KCNK9: variants seen among roughly 807,000 people sequenced by gnomAD.
The protein encoded by KCNK9 is potassium channel subfamily K member 9.
In KCNK9, 1 loss-of-function variant was observed where a neutral mutation model predicts 10.8. The ratio of observed to expected loss-of-function variants is 0.09; its 90% CI spans 0.03 to 0.44. The LOEUF is 0.44. KCNK9 is among the 20% of genes least tolerant of loss of function. The pLI, the probability that KCNK9 is intolerant of heterozygous loss-of-function variation, is 0.97. For missense variants in KCNK9, 303 were observed against 515.0 expected (o/e 0.59, Z 3.98); for synonymous variants, 231 against 222.7 (o/e 1.04, Z -0.33).
At chr8:139,625,872 C>T (rs1171821381) in intron 1 of KCNK9, among the ~76,000 whole-genome samples, 6 of 152,270 alleles carry the variant, frequency 3.9e-5, no homozygotes, top group African/African-American at 1.4e-4. Context: ...TTCAAGACAC[C>T]TGCCACTCCC....
At chr8:139,621,065 T>C (rs1814761415) in intron 1 of KCNK9, among the ~76,000 whole-genome samples, 1 of 152,112 alleles carries the variant, frequency 6.6e-6, no homozygotes, top group Non-Finnish European at 1.5e-5. Flanking sequence ...GATGGATCAC[T>C]TGAGGCCAGG....
rs1386933804 is a variant in KCNK9, at chr8:139,702,667, T to A, written c.283+43A>T. The A allele has an allele frequency of 3.2e-6, 5 of 1,563,048 alleles. No individual in the cohort carries two copies. In the African/African-American group the frequency reaches 6.8e-5, roughly 21 times the overall value. On this transcript the variant is annotated intron_variant, in intron 1 of 1. Coordinates refer to ENST00000520439, the MANE Select transcript of KCNK9 (RefSeq NM_001282534.2). The surrounding 1 kb of genome is among the most constrained non-coding windows in gnomAD (Gnocchi z 7.5). ...GGCGCGCTCAGCCGCCTCCCCGGAC[T>A]CCTCCCGGGGCGCGGGAGCCCAGCG... is the stretch of plus-strand genomic sequence containing the variant.
At chr8:139,673,862 T>G (rs1012236122) in intron 1 of KCNK9, among the ~76,000 whole-genome samples, 3 of 151,892 alleles carry the variant, frequency 2.0e-5, no homozygotes, top group African/African-American at 7.2e-5. Flanking sequence ...GCATCCCACC[T>G]GCTCCCTGGC....
At chr8:139,661,981 G>C (rs1256664746) in intron 1 of KCNK9, among the ~76,000 whole-genome samples, 1 of 152,196 alleles carries the variant, frequency 6.6e-6, no homozygotes, top group Admixed American at 6.5e-5. Flanking sequence ...GTGGTGGCTT[G>C]GGGACCAAGG....
chr8:139,625,985 T>C (rs1814959973), intron 1 of KCNK9, among the ~76,000 whole-genome samples: 1 of 152,114 alleles, frequency 6.6e-6, no homozygotes, highest in Non-Finnish European at 1.5e-5. Context: ...TTAAAGATAC[T>C]CTAAGCACAT....
chr8:139,620,687 G>C (rs1233380470), intron 1 of KCNK9, among the ~76,000 whole-genome samples: 1 of 152,100 alleles, frequency 6.6e-6, no homozygotes, highest in Non-Finnish European at 1.5e-5. Flanking sequence ...TTTGCCTCCA[G>C]AAGGCCTTCC....
chr8:139,671,920 G>A (rs920410573), intron 1 of KCNK9, among the ~76,000 whole-genome samples: 10 of 152,244 alleles, frequency 6.6e-5, no homozygotes, highest in East Asian at 1.9e-4. Flanking sequence ...GAGCACCACC[G>A]GCCCCCACCT....
At chr8:139,619,145 G>T (rs754216316) in intron 1 of KCNK9, 46 bp from the exon 2 acceptor site, 9 of 1,609,324 alleles carry the variant, frequency 5.6e-6, no homozygotes, top group African/African-American at 4.0e-5. Context: ...GTGAGGAGGG[G>T]TCTAGAGGTT....
chr8:139,682,824 G>A (rs1816718999), intron 1 of KCNK9, among the ~76,000 whole-genome samples: 1 of 152,130 alleles, frequency 6.6e-6, no homozygotes, highest in Admixed American at 6.5e-5. Context: ...ATAATGCCTG[G>A]TGACCCCCCC....
intron 1 of KCNK9, among the ~76,000 whole-genome samples, chr8:139,679,404 C>T (rs1025640922): frequency 6.6e-6 from 1 of 152,250 alleles, no homozygotes; most frequent in African/African-American, 2.4e-5. Flanking sequence ...CCCCAGGAGC[C>T]CTGCCAGCCG....
At chr8:139,626,504 GT>G (rs1278939356) in intron 1 of KCNK9, among the ~76,000 whole-genome samples, 2 of 152,168 alleles carry the variant, frequency 1.3e-5, no homozygotes, top group Non-Finnish European at 2.9e-5. Flanking sequence ...GCCAGTCCAG[GT>G]TTGAGCCCTG....
chr8:139,601,810 G>A (rs1817376915), intron 2 of KCNK9, among the ~76,000 whole-genome samples: 1 of 152,128 alleles, frequency 6.6e-6, no homozygotes, highest in African/African-American at 2.4e-5. Flanking sequence ...TACTGTTTGG[G>A]AAGATGATGT....
intron 1 of KCNK9, among the ~76,000 whole-genome samples, chr8:139,645,411 C>A (rs1235684205): frequency 1.3e-5 from 2 of 152,134 alleles, no homozygotes; most frequent in African/African-American, 4.8e-5. Flanking sequence ...CAGGGAGGGG[C>A]CTTCAGGGTC....
intron 1 of KCNK9, among the ~76,000 whole-genome samples, chr8:139,682,504 C>T (rs1816712445): frequency 1.3e-5 from 2 of 152,170 alleles, no homozygotes; most frequent in Admixed American, 1.3e-4. Context: ...ACAGAGGAGA[C>T]ATCTTCAGTG....
At position 139,617,959 on chromosome 8, in the gene KCNK9, A is replaced by G; in HGVS notation, c.*299T>C. 1 of 407,664 alleles carries G rather than the reference A, an allele frequency of 2.5e-6. No homozygotes were observed. The highest frequency in any genetic ancestry group is 4.6e-6 in the Non-Finnish European group (1 of 219,694). 25.3% of individuals were successfully genotyped at this position (407,664 alleles called of 1,614,324 possible). A position where few individuals can be genotyped will look rare whatever the true frequency, so the allele number is the denominator to read the frequency against. ...TCCCGGGAAAACCACTGCAGAGATG[A>G]TGGGGTGGGTGGGGTGAGAAATGTA... On this transcript the variant is annotated 3_prime_UTR_variant, in exon 2 of 2. Transcript: ENST00000520439.
chr8:139,684,945 A>G (rs1816759354), intron 1 of KCNK9, among the ~76,000 whole-genome samples: 1 of 152,254 alleles, frequency 6.6e-6, no homozygotes. Context: ...TTTAAGGCAT[A>G]AAAGTTAATA....
chr8:139,689,718 C>T (rs1246779611), intron 1 of KCNK9, among the ~76,000 whole-genome samples: 1 of 150,442 alleles, frequency 6.6e-6, no homozygotes, highest in East Asian at 1.9e-4. Context: ...TCTCGACTCA[C>T]TGCAAGCTCT....
chr8:139,631,799 C>T (rs1371938712), intron 1 of KCNK9, among the ~76,000 whole-genome samples: 2 of 152,138 alleles, frequency 1.3e-5, no homozygotes. Flanking sequence ...GGTCCTAATA[C>T]CCTCTGTAAG....
At chr8:139,620,367 A>C in intron 1 of KCNK9, among the ~76,000 whole-genome samples, 1 of 152,166 alleles carries the variant, frequency 6.6e-6, no homozygotes, top group East Asian at 1.9e-4. Flanking sequence ...CTTGGGTTCC[A>C]TAAGTTTTTT....
Sources: allele counts gnomAD v4.1 joint callset (sites outside exome capture counted in the v4.1 genomes callset), GRCh38; gene constraint gnomAD v4.1.1; non-coding constraint Gnocchi (gnomAD v3.1); transcripts MANE v1.5; gene names NCBI Gene and HGNC (gene_info 2026-07-23, HGNC 2026-07-21).